Variants in BMPR1B observed in about 807,000 individuals in gnomAD.
BMPR1B encodes the protein bone morphogenetic protein receptor type-1B.
Under a neutral mutation model 59.1 loss-of-function variants are expected in BMPR1B, and 12 were observed. The ratio of observed to expected loss-of-function variants is 0.20; its 90% CI spans 0.13 to 0.33. BMPR1B has a LOEUF of 0.33. Ranked by LOEUF, BMPR1B falls within the 10% of genes least tolerant of loss-of-function variation. The pLI is 1.00. For missense variants in BMPR1B, 550 were observed against 610.9 expected, an observed-to-expected ratio of 0.90 and a Z score of 1.05; for synonymous variants, 237 against 207.3, an observed-to-expected ratio of 1.14 and a Z score of -1.23.
In BMPR1B at chr4:94,826,662, A is replaced by G. The variant is rs553085466; in HGVS notation, c.-182-49169A>G. ...CATCTGGAATGTTCTATACATTAAT[A>G]AAAATGGAAACATGCATAATTGCTA... On this transcript the variant is annotated intron_variant, in intron 1 of 12. Coordinates refer to ENST00000515059, the MANE Select transcript of BMPR1B (RefSeq NM_001203.3). 2.4e-4 allele frequency among the ~76,000 whole-genome samples: 21 copies of G among 87,192 alleles called. No homozygotes were observed. The East Asian group carries it at 5.5e-3, about 23-fold the overall frequency. The allele number at this position is 87,192 out of a possible 152,430, so 57.2% of individuals were successfully genotyped here. A position where few individuals can be genotyped will look rare whatever the true frequency, so the allele number is the denominator to read the frequency against.
intron 1 of BMPR1B, among the ~76,000 whole-genome samples, chr4:94,872,330 T>C (rs1726532915): frequency 6.6e-6 from 1 of 152,200 alleles, no homozygotes; most frequent in African/African-American, 2.4e-5. Context: ...AAATACCCTC[T>C]AAACATATAA....
intron 3 of BMPR1B, among the ~76,000 whole-genome samples, chr4:95,064,355 G>A (rs940830134): frequency 8.5e-5 from 13 of 152,148 alleles, no homozygotes; most frequent in Non-Finnish European, 1.9e-4. Context: ...AGATCAGTGG[G>A]AGCGTTAGAT....
At chr4:95,053,191 G>GTTCC (rs1290990043) in intron 3 of BMPR1B, among the ~76,000 whole-genome samples, 1 of 151,978 alleles carries the variant, frequency 6.6e-6, no homozygotes, top group African/African-American at 2.4e-5. Flanking sequence ...TTCTTCCAGT[G>GTTCC]AGGAAGTTGA....
chr4:94,857,537 G>A (rs4533780), intron 1 of BMPR1B, among the ~76,000 whole-genome samples: 92,122 of 152,066 alleles, frequency 0.61, 28,585 homozygotes, highest in African/African-American at 0.74. Flanking sequence ...AAAATTTTAT[G>A]TAAGAATATC....
chr4:95,135,674 T>G (rs1041977829), intron 10 of BMPR1B, among the ~76,000 whole-genome samples: 8 of 152,086 alleles, frequency 5.3e-5, no homozygotes, highest in East Asian at 1.9e-4. Context: ...GTCTGTTATT[T>G]GTGTATAAGA....
At chr4:94,962,076 C>CT (rs1560569139) in intron 2 of BMPR1B, among the ~76,000 whole-genome samples, 17 of 30,760 alleles carry the variant, frequency 5.5e-4, no homozygotes, top group African/African-American at 1.4e-3. Flanking sequence ...CTTTTCTTTC[C>CT]TTCCTTCCTT....
chr4:95,051,328 G>C (rs1726484495), intron 3 of BMPR1B, among the ~76,000 whole-genome samples: 1 of 152,184 alleles, frequency 6.6e-6, no homozygotes, highest in Non-Finnish European at 1.5e-5. Context: ...TTTAAATGAG[G>C]TTTGCTATGG....
rs1008180777 is a variant in BMPR1B at position 95,099,097 on chromosome 4, C to T, written c.-17-5311C>T. 2.6e-5 allele frequency among the ~76,000 whole-genome samples: 4 copies of T among 152,112 alleles called. 1 individual carries two copies. The highest frequency in any genetic ancestry group is 7.2e-5 in the African/African-American group (3 of 41,410). On this transcript the variant is annotated intron_variant, in intron 3 of 12. Transcript: ENST00000515059. Reference sequence around the variant, plus strand: ...AGATTATAGAATGTAGATTTACCAACAATTTAAGCACACGTGTAAACATAA... The same window carrying T: ...AGATTATAGAATGTAGATTTACCAATAATTTAAGCACACGTGTAAACATAA...
At chr4:95,044,450 G>T (rs2149177502) in intron 3 of BMPR1B, among the ~76,000 whole-genome samples, 1 of 152,286 alleles carries the variant, frequency 6.6e-6, no homozygotes, top group African/African-American at 2.4e-5. Context: ...CTTAAAGAAG[G>T]TCAGCCCTTA....
intron 2 of BMPR1B, among the ~76,000 whole-genome samples, chr4:94,973,784 T>C (rs1730904331): frequency 6.6e-6 from 1 of 152,202 alleles, no homozygotes; most frequent in Non-Finnish European, 1.5e-5. Context: ...ACCCAGTTGA[T>C]AGTAGGTACT....
At chr4:94,954,430 A>C (rs1341134801) in intron 2 of BMPR1B, among the ~76,000 whole-genome samples, 2 of 152,234 alleles carry the variant, frequency 1.3e-5, no homozygotes, top group African/African-American at 2.4e-5. Flanking sequence ...TATGCAATGC[A>C]TATCATTAAG....
chr4:94,817,565 G>A (rs574676487), intron 1 of BMPR1B, among the ~76,000 whole-genome samples: 2 of 151,550 alleles, frequency 1.3e-5, no homozygotes, highest in East Asian at 1.9e-4. Context: ...TGTCTCCCTC[G>A]TAGGTGGGAC....
At chr4:94,966,389 C>T (rs1730557196) in intron 2 of BMPR1B, among the ~76,000 whole-genome samples, 1 of 151,928 alleles carries the variant, frequency 6.6e-6, no homozygotes, top group African/African-American at 2.4e-5. Flanking sequence ...ATGTTAGGAA[C>T]AAAAATAGCA....
intron 1 of BMPR1B, among the ~76,000 whole-genome samples, chr4:94,871,530 C>G (rs949771275): frequency 6.6e-6 from 1 of 152,070 alleles, no homozygotes; most frequent in African/African-American, 2.4e-5. Flanking sequence ...ATCCCCTCCC[C>G]CCACATATTC....
intron 3 of BMPR1B, among the ~76,000 whole-genome samples, chr4:95,028,881 G>A (rs1017141568): frequency 4.0e-5 from 6 of 151,776 alleles, no homozygotes; most frequent in African/African-American, 1.2e-4. Context: ...TCCAAGCATT[G>A]TACATTAATT....
chr4:94,788,697 G>T (rs1025226541), intron 1 of BMPR1B, among the ~76,000 whole-genome samples: 3 of 152,172 alleles, frequency 2.0e-5, no homozygotes, highest in African/African-American at 7.2e-5. Flanking sequence ...AACTGGACTT[G>T]TACCTCTTCT....
intron 2 of BMPR1B, among the ~76,000 whole-genome samples, chr4:94,931,826 C>T (rs948463374): frequency 2.0e-5 from 3 of 151,966 alleles, no homozygotes; most frequent in East Asian, 3.9e-4. Flanking sequence ...CCATCAGAGC[C>T]GTTCAGTCAC....
intron 3 of BMPR1B, among the ~76,000 whole-genome samples, chr4:95,095,618 A>G (rs1482743715): frequency 6.6e-6 from 1 of 152,140 alleles, no homozygotes; most frequent in Non-Finnish European, 1.5e-5. Context: ...ATATTCAAAG[A>G]GTTTAAAAAT....
chr4:94,936,118 A>G (rs1357353365), intron 2 of BMPR1B, among the ~76,000 whole-genome samples: 2 of 152,350 alleles, frequency 1.3e-5, no homozygotes, highest in African/African-American at 4.8e-5. Context: ...TGCTACAAAT[A>G]GCAGCAGCAT....
Sources: allele counts gnomAD v4.1 joint callset (sites outside exome capture counted in the v4.1 genomes callset), GRCh38; gene constraint gnomAD v4.1.1; transcripts MANE v1.5; gene names NCBI Gene and HGNC (gene_info 2026-07-23, HGNC 2026-07-21).